HPCAL1: variants seen among roughly 807,000 people sequenced by gnomAD.
HPCAL1 encodes hippocalcin-like protein 1.
HPCAL1 carries 8 observed loss-of-function variants against 17.1 expected under a neutral mutation model. The ratio of observed to expected loss-of-function variants is 0.47; its 90% CI spans 0.27 to 0.84. The LOEUF is 0.84. HPCAL1 is among the 40% of genes least tolerant of loss of function. The pLI is 0.13. For synonymous variants in HPCAL1, 112 were observed against 111.4 expected (o/e 1.01, Z -0.03); for missense variants, 165 against 271.1 (o/e 0.61, Z 2.75).
chr2:10,401,655 A>G (rs1223378578), intron 2 of HPCAL1, among the ~76,000 whole-genome samples: 1 of 151,878 alleles, frequency 6.6e-6, no homozygotes, highest in Non-Finnish European at 1.5e-5. Context: ...TCGTCAAACA[A>G]TTACTGTGTG....
chr2:10,410,796 C>T (rs1670307611), intron 2 of HPCAL1, among the ~76,000 whole-genome samples: 1 of 151,978 alleles, frequency 6.6e-6, no homozygotes, highest in African/African-American at 2.4e-5. Context: ...TGCTGGGAAA[C>T]GTGAGTGGTG....
intron 2 of HPCAL1, among the ~76,000 whole-genome samples, chr2:10,418,390 C>G (rs180869831): frequency 7.0e-6 from 1 of 143,726 alleles, no homozygotes; most frequent in Non-Finnish European, 1.5e-5. Context: ...GCCGAGATCA[C>G]ACCACTGCAC....
chr2:10,338,435 C>T (rs1452741673), intron 1 of HPCAL1, among the ~76,000 whole-genome samples: 6 of 152,168 alleles, frequency 3.9e-5, no homozygotes, highest in African/African-American at 1.2e-4. Context: ...TGCATAACCT[C>T]GTTGAGTCTC....
chr2:10,311,054 G>A (rs1662925980), intron 1 of HPCAL1, among the ~76,000 whole-genome samples: 1 of 152,212 alleles, frequency 6.6e-6, no homozygotes, highest in Admixed American at 6.5e-5. Flanking sequence ...TACTGTGTGT[G>A]GCTGGAGACA....
rs370924623 is a variant in HPCAL1, at chr2:10,426,761, G to C, written c.522G>C (p.Lys174Asn). Residue 174 changes from lysine to asparagine, a missense_variant, in exon 5 of 5, where the codon AAG (lysine) becomes AAC (asparagine). By Grantham distance (94) the Lys-to-Asn change is moderately conservative (BLOSUM62 0). Coordinates refer to ENST00000307845, the MANE Select transcript of HPCAL1 (RefSeq NM_002149.4). ...TGGAAGAATTCATCAGAGGTGCCAA[G>C]AGCGACCCCTCCATCGTCCGCCTGC... ...LSLEEFIRGA[K>N]SDPSIVRLLQ... The C allele has an allele frequency of 1.9e-6, 3 of 1,613,356 alleles. No individual in the cohort carries two copies. Among genetic ancestry groups the C allele is most frequent in the Admixed American group, 3.3e-5 (2 of 60,002 alleles).
intron 2 of HPCAL1, chr2:10,406,361 C>A (rs1370363893): frequency 6.6e-6 from 1 of 152,322 alleles, no homozygotes; most frequent in African/African-American, 2.4e-5. Context: ...CCTGAGCCCA[C>A]GTAAGTCTCT....
intron 4 of HPCAL1, chr2:10,424,694 C>T: frequency 1.7e-5 from 8 of 459,504 alleles, no homozygotes; most frequent in South Asian, 1.3e-4. Flanking sequence ...GCCCAGGGGA[C>T]CCGCCTGTCC....
intron 2 of HPCAL1, among the ~76,000 whole-genome samples, chr2:10,399,579 G>C (rs74171480): frequency 1.0e-5 from 1 of 98,852 alleles, no homozygotes; most frequent in Admixed American, 9.8e-5. Context: ...CACCACCACC[G>C]CCACCGCCAC....
rs574976017 is a variant in HPCAL1 at position 10,359,339 on chromosome 2, C to G, written c.-110-37496C>G. Among the ~76,000 whole-genome samples, 2 of 152,124 alleles carry G rather than the reference C, an allele frequency of 1.3e-5. No homozygotes were observed. Among genetic ancestry groups the G allele is most frequent in the African/African-American group, 4.8e-5 (2 of 41,436 alleles). On this transcript the variant is annotated intron_variant, in intron 1 of 4. Transcript: ENST00000307845. This position sits in a 1 kb window ranked among gnomAD's most constrained non-coding sequence, Gnocchi z 4.1. ...TGCGGCTGGCATGGGTTAGTGGCTC[C>G]GTGTCACCTGGTTCCTCTCACCTCT...
rs868113634 is a variant in HPCAL1, at chr2:10,331,982, A to G, written c.-111+28805A>G. Among the ~76,000 whole-genome samples the G allele has an allele frequency of 7.9e-5, 9 of 113,442 alleles. 1 individual carries two copies. The East Asian group carries it at 9.0e-4, about 11-fold the overall frequency. The allele number at this position is 113,442 out of a possible 152,430, so 74.4% of individuals were successfully genotyped here. A position where few individuals can be genotyped will look rare whatever the true frequency, so the allele number is the denominator to read the frequency against. On this transcript the variant is annotated intron_variant, in intron 1 of 4. Coordinates refer to ENST00000307845, the MANE Select transcript of HPCAL1 (RefSeq NM_002149.4). This position sits in a 1 kb window ranked among gnomAD's most constrained non-coding sequence, Gnocchi z 5.0. ...TCACAGGGAGCACTCCTTGTCACCT[A>G]TTGTCATTTATGAGCCCCGTGTCAC... is the stretch of plus-strand genomic sequence containing the variant.
At chr2:10,396,806 C>T (rs965663997) in intron 1 of HPCAL1, 29 bp from the exon 2 acceptor site, 1 of 152,304 alleles carries the variant, frequency 6.6e-6, no homozygotes, top group African/African-American at 2.4e-5. Context: ...TCGTCACAGC[C>T]TGCGTGACCT....
intron 1 of HPCAL1, among the ~76,000 whole-genome samples, chr2:10,319,620 C>T (rs1663546491): frequency 1.3e-5 from 2 of 151,484 alleles, no homozygotes; most frequent in South Asian, 4.2e-4. Context: ...TACAGGGACC[C>T]TGTGTTTGGG....
At chr2:10,426,550 T>G in intron 4 of HPCAL1, 174 bp from the exon 5 acceptor site, 1 of 624,312 alleles carries the variant, frequency 1.6e-6, no homozygotes, top group Non-Finnish European at 2.9e-6. Context: ...GGAAAAAGGA[T>G]TTTTTTTCAG....
At chr2:10,334,711 G>A (rs879842092) in intron 1 of HPCAL1, among the ~76,000 whole-genome samples, 24,514 of 142,214 alleles carry the variant, frequency 0.17, 2,968 homozygotes, top group African/African-American at 0.3. Flanking sequence ...TTTGAGGCAG[G>A]GTCTCGCTCT....
rs191255998 is a variant in HPCAL1 at position 10,395,134 on chromosome 2, A to G, written c.-110-1701A>G. On this transcript the variant is annotated intron_variant, in intron 1 of 4. Transcript: ENST00000307845. This position sits in a 1 kb window ranked among gnomAD's most constrained non-coding sequence, Gnocchi z 4.4. ...TTAAAACACACACACACACACACAC[A>G]CACACACACACACACACACACACAC... Among the ~76,000 whole-genome samples the G allele has an allele frequency of 3.8e-3, 448 of 118,480 alleles. 4 individuals carry two copies. The highest frequency in any genetic ancestry group is 0.011 in the African/African-American group (419 of 37,980). 77.7% of individuals were successfully genotyped at this position (118,480 alleles called of 152,430 possible).
intron 1 of HPCAL1, among the ~76,000 whole-genome samples, chr2:10,348,611 A>AT (rs1364525726): frequency 1.7e-4 from 25 of 148,150 alleles, no homozygotes; most frequent in African/African-American, 2.0e-4. Context: ...AAAAAAAAAA[A>AT]AATATATATA....
intron 1 of HPCAL1, chr2:10,303,986 C>G (rs1314937713): frequency 1.3e-5 from 2 of 151,638 alleles, no homozygotes; most frequent in African/African-American, 4.8e-5. Flanking sequence ...GTTTAAAATC[C>G]TTTTTTTTTC....
intron 1 of HPCAL1, among the ~76,000 whole-genome samples, chr2:10,351,484 G>A (rs1332272086): frequency 6.6e-6 from 1 of 152,180 alleles, no homozygotes; most frequent in African/African-American, 2.4e-5. Flanking sequence ...CTGGTCAGGT[G>A]CCATGGCTCA....
chr2:10,387,929 A>G (rs1201315886), intron 1 of HPCAL1, among the ~76,000 whole-genome samples: 1 of 152,098 alleles, frequency 6.6e-6, no homozygotes, highest in African/African-American at 2.4e-5. Flanking sequence ...TTTTCTTGCC[A>G]CTGAAATCAC....
Sources: gnomAD v4.1 joint callset for allele counts (sites outside exome capture counted in the v4.1 genomes callset) on GRCh38, gnomAD v4.1.1 for gene constraint, Gnocchi (gnomAD v3.1) non-coding constraint, MANE v1.5 for transcripts, NCBI Gene and HGNC (gene_info 2026-07-23, HGNC 2026-07-21) for gene names.